Variants in TBC1D22A observed in about 807,000 individuals in gnomAD.
TBC1D22A encodes TBC1 domain family member 22A, also known as putative GTPase activator.
TBC1D22A carries 38 observed loss-of-function variants against 60.2 expected under a neutral mutation model. The observed-to-expected ratio is 0.63, with a 90% CI of 0.49 to 0.83. TBC1D22A has a LOEUF of 0.83. Among genes scored for constraint, TBC1D22A ranks in the 40% least tolerant of loss-of-function variants. TBC1D22A has a pLI of 0.00. For synonymous variants in TBC1D22A, 302 were observed against 281.7 expected (o/e 1.07, Z -0.72); for missense variants, 628 against 701.0 (o/e 0.90, Z 1.18).
At chr22:46,863,211 G>T (rs911113273) in intron 4 of TBC1D22A, among the ~76,000 whole-genome samples, 4 of 152,192 alleles carry the variant, frequency 2.6e-5, no homozygotes, top group African/African-American at 9.7e-5. Flanking sequence ...ATGACAAGCA[G>T]CCAGGAGGTG....
intron 9 of TBC1D22A, among the ~76,000 whole-genome samples, chr22:46,985,494 T>C (rs1476085261): frequency 6.6e-6 from 1 of 152,198 alleles, no homozygotes; most frequent in Non-Finnish European, 1.5e-5. Context: ...TAAGAATGAA[T>C]CATTGAGCAG....
intron 11 of TBC1D22A, among the ~76,000 whole-genome samples, chr22:47,083,983 G>T (rs987871596): frequency 2.6e-5 from 4 of 152,204 alleles, no homozygotes; most frequent in African/African-American, 9.6e-5. Context: ...TTTGTAAGAG[G>T]CAAAATAGGA....
intron 4 of TBC1D22A, among the ~76,000 whole-genome samples, chr22:46,854,439 C>T (rs975962273): frequency 1.3e-5 from 2 of 152,148 alleles, no homozygotes; most frequent in Non-Finnish European, 2.9e-5. Flanking sequence ...TTCCTGTTTA[C>T]ATCATAGATG....
In TBC1D22A at chr22:46,803,571, T is replaced by C. The variant is rs543575497; in HGVS notation, c.637+5951T>C. ...TGCTGTCTTTGCAGCCTGGGCTTCA[T>C]GACCACAGCAGGGCACGTTGGCCTT... On this transcript the variant is annotated intron_variant, in intron 4 of 12. Transcript: ENST00000337137. Among the ~76,000 whole-genome samples, 24 of 152,312 alleles carry C rather than the reference T, an allele frequency of 1.6e-4. No individual in the cohort carries two copies. In the East Asian group the frequency reaches 4.4e-3, roughly 28 times the overall value.
At chr22:47,131,231 A>G (rs539914611) in intron 12 of TBC1D22A, among the ~76,000 whole-genome samples, 1 of 152,346 alleles carries the variant, frequency 6.6e-6, no homozygotes, top group East Asian at 1.9e-4. Context: ...GAGGGCATGG[A>G]CATTCAAACT....
chr22:46,810,981 T>A (rs1392771345), intron 4 of TBC1D22A, among the ~76,000 whole-genome samples: 2 of 152,142 alleles, frequency 1.3e-5, no homozygotes, highest in Non-Finnish European at 2.9e-5. Context: ...TGGGCTTACT[T>A]TGGGGAGCAT....
rs1376295690 is a variant in TBC1D22A, at chr22:46,824,391, GGT to G, written c.637+26777_637+26778del. 2.6e-5 allele frequency among the ~76,000 whole-genome samples: 4 copies of G among 152,180 alleles called. No individual in the cohort carries two copies. The East Asian group carries it at 7.7e-4, about 29-fold the overall frequency. On this transcript the variant is annotated intron_variant, in intron 4 of 12. Coordinates refer to ENST00000337137, the MANE Select transcript of TBC1D22A (RefSeq NM_014346.5). ...GGGGGCACATAACCCTCTAAGGAGG[GGT>G]GTGTGGGGATGAGCTTGGTGTGCAT...
chr22:46,924,478 C>T (rs974486145), intron 8 of TBC1D22A, among the ~76,000 whole-genome samples: 1 of 152,054 alleles, frequency 6.6e-6, no homozygotes, highest in South Asian at 2.1e-4. Flanking sequence ...TTTATTTTGC[C>T]GGGTGCGGTG....
intron 7 of TBC1D22A, among the ~76,000 whole-genome samples, chr22:46,902,915 A>G (rs1160522968): frequency 2.0e-5 from 3 of 150,328 alleles, no homozygotes; most frequent in Non-Finnish European, 2.9e-5. Context: ...TGTCAATGAA[A>G]CCACAGTTTG....
chr22:47,016,337 C>G (rs1337062412), intron 10 of TBC1D22A, among the ~76,000 whole-genome samples: 1 of 152,146 alleles, frequency 6.6e-6, no homozygotes, highest in African/African-American at 2.4e-5. Context: ...CGTGCTTGGT[C>G]TTCATCCCCC....
At chr22:47,005,332 C>G (rs2148274834) in intron 10 of TBC1D22A, among the ~76,000 whole-genome samples, 1 of 151,624 alleles carries the variant, frequency 6.6e-6, no homozygotes, top group Non-Finnish European at 1.5e-5. Context: ...CATGCCTATA[C>G]ACCTACACCC....
chr22:46,925,320 T>C (rs996421618), intron 8 of TBC1D22A, among the ~76,000 whole-genome samples: 1 of 152,246 alleles, frequency 6.6e-6, no homozygotes, highest in Non-Finnish European at 1.5e-5. Context: ...GTAGCAGTTC[T>C]AGACCCACGT....
At chr22:46,841,675 A>C (rs2086777088) in intron 4 of TBC1D22A, among the ~76,000 whole-genome samples, 1 of 152,238 alleles carries the variant, frequency 6.6e-6, no homozygotes, top group Non-Finnish European at 1.5e-5. Context: ...GGTGGTTATC[A>C]GGAACTGGAG....
chr22:46,770,256 A>C lies in TBC1D22A; in HGVS notation c.62+7408A>C, dbSNP rs79651903. The stretch of plus-strand genomic sequence containing the variant: ...TGCGAAAGGCCTTCTGCAGATGGCT[A>C]ACAGGAGAGCAAGGCCTTGCTCCTG... On this transcript the variant is annotated intron_variant, in intron 1 of 12. Transcript: ENST00000337137. 4.4e-3 allele frequency among the ~76,000 whole-genome samples: 671 copies of C among 152,274 alleles called. 4 individuals are homozygous for C. The highest frequency in any genetic ancestry group is 0.016 in the African/African-American group (647 of 41,544).
chr22:46,860,996 G>T (rs2087849405), intron 4 of TBC1D22A, among the ~76,000 whole-genome samples: 1 of 152,202 alleles, frequency 6.6e-6, no homozygotes, highest in African/African-American at 2.4e-5. Context: ...TTTTTTTAAG[G>T]CAGGGTCTAA....
chr22:46,977,553 A>T (rs948039781), intron 9 of TBC1D22A, among the ~76,000 whole-genome samples: 2 of 150,668 alleles, frequency 1.3e-5, no homozygotes, highest in Admixed American at 1.3e-4. Context: ...AGAACAAACC[A>T]CTTTTCTCCC....
intron 1 of TBC1D22A, among the ~76,000 whole-genome samples, chr22:46,790,104 A>G (rs2146873598): frequency 6.6e-6 from 1 of 152,336 alleles, no homozygotes; most frequent in African/African-American, 2.4e-5. Context: ...TAGAATTTGC[A>G]AGTCTGATGT....
At chr22:47,036,254 C>T (rs1016423568) in intron 10 of TBC1D22A, among the ~76,000 whole-genome samples, 1 of 152,142 alleles carries the variant, frequency 6.6e-6, no homozygotes, top group South Asian at 2.1e-4. Flanking sequence ...AAAGCAGCAC[C>T]CATTCTTCTA....
In TBC1D22A at chr22:47,053,558, T is replaced by C. The variant is rs143673818; in HGVS notation, c.1329+16360T>C. Among the ~76,000 whole-genome samples, 1,026 of 152,316 alleles carry C rather than the reference T, an allele frequency of 6.7e-3. 11 individuals carry two copies. The highest frequency in any genetic ancestry group is 0.01 in the Non-Finnish European group (700 of 68,014). ...AGTCGGGGCAGCAGTTTGCCAGGCC[T>C]GTGAGGATCAGGAGAGCAGAAAGGC... is the stretch of plus-strand genomic sequence containing the variant. On this transcript the variant is annotated intron_variant, in intron 11 of 12. Coordinates refer to ENST00000337137, the MANE Select transcript of TBC1D22A (RefSeq NM_014346.5).
Sources: gnomAD v4.1 joint callset for allele counts (sites outside exome capture counted in the v4.1 genomes callset) on GRCh38, gnomAD v4.1.1 for gene constraint, MANE v1.5 for transcripts, NCBI Gene and HGNC (gene_info 2026-07-23, HGNC 2026-07-21) for gene names.